NHEJ1: variants seen among roughly 807,000 people sequenced by gnomAD.
NHEJ1 encodes the protein non-homologous end joining factor 1, also known as non-homologous end-joining factor 1.
In NHEJ1, 22 loss-of-function variants were observed where a neutral mutation model predicts 39.4. The observed-to-expected ratio is 0.56, with a 90% CI of 0.40 to 0.80. The LOEUF (loss-of-function observed/expected upper bound fraction) is 0.80, where lower values mean the gene tolerates loss of function less well. Ranked by LOEUF, NHEJ1 falls within the 30% of genes least tolerant of loss-of-function variation. NHEJ1 has a pLI of 0.00. For synonymous variants in NHEJ1, 154 were observed against 135.6 expected, an observed-to-expected ratio of 1.14 and a Z score of -0.94; for missense variants, 329 against 357.1, an observed-to-expected ratio of 0.92 and a Z score of 0.63.
intron 5 of NHEJ1, among the ~76,000 whole-genome samples, chr2:219,103,263 T>C (rs1949282854): frequency 6.6e-6 from 1 of 151,834 alleles, no homozygotes; most frequent in African/African-American, 2.4e-5. Context: ...ATTTATTTAT[T>C]TTTAACTTTT....
intron 3 of NHEJ1, among the ~76,000 whole-genome samples, chr2:219,152,202 G>C (rs113577884): frequency 6.6e-6 from 1 of 152,128 alleles, no homozygotes; most frequent in Non-Finnish European, 1.5e-5. Flanking sequence ...CAGTTAAGGA[G>C]GTTAGGAAGT....
rs768377411 is a variant in NHEJ1, at chr2:219,070,033, T to C, written c.*6348A>G. 1.3e-5 allele frequency among the ~76,000 whole-genome samples: 2 copies of C among 152,220 alleles called. No individual in the cohort carries two copies. The highest frequency in any genetic ancestry group is 2.9e-5 in the Non-Finnish European group (2 of 68,040). On this transcript the variant is annotated 3_prime_UTR_variant, in exon 8 of 8. Coordinates refer to ENST00000356853, the MANE Select transcript of NHEJ1 (RefSeq NM_024782.3). ...TGCATTAACTCAAATTATATACTTA[T>C]TGACTGCACTGAGTGCTTATTCACT...
rs148650957 is a variant in NHEJ1, at chr2:219,072,792, C to T, written c.*3589G>A. Reference sequence around the variant, plus strand: ...TAGGCTTACTCTATACTCTCTGGAGCGAATCTGTGTAGTTTTGTAAGTAGG... The same window carrying T: ...TAGGCTTACTCTATACTCTCTGGAGTGAATCTGTGTAGTTTTGTAAGTAGG... On this transcript the variant is annotated 3_prime_UTR_variant, in exon 8 of 8. Coordinates refer to ENST00000356853, the MANE Select transcript of NHEJ1 (RefSeq NM_024782.3). Among the ~76,000 whole-genome samples the T allele has an allele frequency of 9.2e-5, 14 of 152,166 alleles. No individual in the cohort carries two copies. In the East Asian group the frequency reaches 2.1e-3, roughly 23 times the overall value.
intron 5 of NHEJ1, among the ~76,000 whole-genome samples, chr2:219,130,357 G>A (rs958715540): frequency 2.0e-5 from 3 of 152,092 alleles, no homozygotes; most frequent in Non-Finnish European, 4.4e-5. Flanking sequence ...AATACTGCTG[G>A]TCCTCCCAGG....
intron 5 of NHEJ1, among the ~76,000 whole-genome samples, chr2:219,121,369 A>G (rs1252951062): frequency 2.0e-5 from 3 of 152,276 alleles, no homozygotes; most frequent in East Asian, 1.9e-4. Flanking sequence ...TTACTATCCT[A>G]TATGTGTTAA....
intron 5 of NHEJ1, among the ~76,000 whole-genome samples, chr2:219,123,219 G>A (rs1949487499): frequency 6.6e-6 from 1 of 152,154 alleles, no homozygotes; most frequent in South Asian, 2.1e-4. Context: ...AAATTACAAG[G>A]CTCAATTAGG....
In NHEJ1 at chr2:219,148,560, AAAC is replaced by A. The variant is rs557781627; in HGVS notation, c.391-768_391-766del. ...GGCAACAGAGCAAGACTGCATCTCA[AAAC>A]AACAAGAAGAAAACAAACAAACAAA... On this transcript the variant is annotated intron_variant, in intron 3 of 7. Coordinates refer to ENST00000356853, the MANE Select transcript of NHEJ1 (RefSeq NM_024782.3). 1.2e-3 allele frequency among the ~76,000 whole-genome samples: 188 copies of A among 152,304 alleles called. 1 individual carries two copies. The highest frequency in any genetic ancestry group is 0.011 in the Admixed American group (163 of 15,298).
intron 5 of NHEJ1, among the ~76,000 whole-genome samples, chr2:219,129,830 T>A (rs1949560356): frequency 6.6e-6 from 1 of 152,220 alleles, no homozygotes; most frequent in African/African-American, 2.4e-5. Context: ...CCTTCACCCG[T>A]TCGACAGCCG....
intron 5 of NHEJ1, among the ~76,000 whole-genome samples, chr2:219,082,619 A>G (rs1024610358): frequency 6.6e-5 from 10 of 152,222 alleles, no homozygotes; most frequent in Admixed American, 6.5e-4. Context: ...GTCTGAGGAT[A>G]CAGGTTTAAT....
intron 5 of NHEJ1, among the ~76,000 whole-genome samples, chr2:219,089,234 A>T (rs936670607): frequency 6.6e-6 from 1 of 152,348 alleles, no homozygotes; most frequent in East Asian, 1.9e-4. Context: ...TTCTACTCCT[A>T]GGTACATACC....
chr2:219,131,711 T>A (rs560499542), intron 5 of NHEJ1, among the ~76,000 whole-genome samples: 1 of 152,324 alleles, frequency 6.6e-6, no homozygotes, highest in African/African-American at 2.4e-5. Flanking sequence ...TACATAAAAG[T>A]TTTTCTTTAA....
chr2:219,118,795 C>T (rs1019114928), intron 5 of NHEJ1, among the ~76,000 whole-genome samples: 16 of 152,132 alleles, frequency 1.1e-4, no homozygotes, highest in Non-Finnish European at 2.9e-5. Context: ...GGAGACAGCC[C>T]GGCGGGCTTA....
At chr2:219,080,030 C>T (rs1048316628) in intron 5 of NHEJ1, among the ~76,000 whole-genome samples, 6 of 152,122 alleles carry the variant, frequency 3.9e-5, no homozygotes, top group African/African-American at 9.7e-5. Context: ...TTTTTCAGGG[C>T]GACCTTCACT....
chr2:219,152,936 G>A (rs1180797899), intron 3 of NHEJ1, among the ~76,000 whole-genome samples: 1 of 151,944 alleles, frequency 6.6e-6, no homozygotes, highest in Non-Finnish European at 1.5e-5. Context: ...CTGAGCAGCT[G>A]AGATTACAGG....
At chr2:219,107,633 TG>T (rs1385402025) in intron 5 of NHEJ1, among the ~76,000 whole-genome samples, 22 of 152,162 alleles carry the variant, frequency 1.4e-4, no homozygotes, top group African/African-American at 5.3e-4. Context: ...TTGCTCCATA[TG>T]GACCCCACTT....
At chr2:219,077,452 G>A in intron 6 of NHEJ1, 88 bp from the exon 7 acceptor site, 2 of 1,042,360 alleles carry the variant, frequency 1.9e-6, no homozygotes. Flanking sequence ...TTCTGATAAA[G>A]GCCAGGGTTT....
intron 5 of NHEJ1, among the ~76,000 whole-genome samples, chr2:219,088,816 G>T (rs1295446703): frequency 2.0e-5 from 3 of 151,924 alleles, no homozygotes; most frequent in African/African-American, 7.2e-5. Context: ...GCTTTTTTTT[G>T]TTTGTTTGTT....
At chr2:219,106,125 C>T (rs761046989) in intron 5 of NHEJ1, among the ~76,000 whole-genome samples, 80 of 152,320 alleles carry the variant, frequency 5.3e-4, no homozygotes, top group Non-Finnish European at 9.4e-4. Flanking sequence ...ACCAGCAAAA[C>T]TAAGCTGCCT....
Position 219,073,778 on chromosome 2 carries a change from G to T in NHEJ1, c.*2603C>A, listed in dbSNP as rs1948986849. On this transcript the variant is annotated 3_prime_UTR_variant, in exon 8 of 8. Coordinates refer to ENST00000356853, the MANE Select transcript of NHEJ1 (RefSeq NM_024782.3). ...CAGCCCCAGCCCCGGGGAGCGGGCG[G>T]GTAGGCGGGGAGGTGGGCCACTGCT... Among the ~76,000 whole-genome samples, 1 of 152,190 alleles carries T rather than the reference G, an allele frequency of 6.6e-6. No homozygotes were observed. The highest frequency in any genetic ancestry group is 2.4e-5 in the African/African-American group (1 of 41,432).
Sources: gnomAD v4.1 joint callset for allele counts (sites outside exome capture counted in the v4.1 genomes callset) on GRCh38, gnomAD v4.1.1 for gene constraint, MANE v1.5 for transcripts, NCBI Gene and HGNC (gene_info 2026-07-23, HGNC 2026-07-21) for gene names.